Variants in PIP5K1B observed in about 807,000 individuals in gnomAD.
PIP5K1B encodes the protein phosphatidylinositol-4-phosphate 5-kinase type 1 beta.
PIP5K1B carries 42 observed loss-of-function variants against 67.0 expected under a neutral mutation model. The observed-to-expected ratio is 0.63, with a 90% CI of 0.49 to 0.81. The LOEUF (loss-of-function observed/expected upper bound fraction) is 0.81, where lower values mean the gene tolerates loss of function less well. Ranked by LOEUF, PIP5K1B falls within the 30% of genes least tolerant of loss-of-function variation. The probability of loss-of-function intolerance (pLI) is 0.00; values close to 1 mark genes in which losing one functional copy is unlikely to be tolerated. For missense variants in PIP5K1B, 459 were observed against 646.3 expected (o/e 0.71, Z 3.14); for synonymous variants, 214 against 231.4 (o/e 0.92, Z 0.68).
intron 1 of PIP5K1B, among the ~76,000 whole-genome samples, chr9:68,720,208 TA>T (rs774410508): frequency 1.6e-4 from 24 of 152,228 alleles, no homozygotes; most frequent in Non-Finnish European, 2.9e-4. Flanking sequence ...CCCCTTCCTT[TA>T]CAAAATTTCA....
At chr9:68,746,053 G>A (rs1829285485) in intron 2 of PIP5K1B, among the ~76,000 whole-genome samples, 1 of 145,932 alleles carries the variant, frequency 6.9e-6, no homozygotes, top group African/African-American at 2.5e-5. Flanking sequence ...TTCCCCACAT[G>A]TCTCTCTTCT....
chr9:68,816,571 CAT>C, intron 2 of PIP5K1B, among the ~76,000 whole-genome samples: 1 of 152,316 alleles, frequency 6.6e-6, no homozygotes, highest in Non-Finnish European at 1.5e-5. Context: ...AGCAATATGG[CAT>C]TAGCTTAGGA....
chr9:69,003,848 T>A (rs1324214437), intron 15 of PIP5K1B, among the ~76,000 whole-genome samples: 1 of 152,228 alleles, frequency 6.6e-6, no homozygotes, highest in Non-Finnish European at 1.5e-5. Flanking sequence ...GTTTCCTGCC[T>A]GGGCTCCCCT....
At chr9:68,757,106 C>T (rs1450403613) in intron 2 of PIP5K1B, among the ~76,000 whole-genome samples, 4 of 152,116 alleles carry the variant, frequency 2.6e-5, no homozygotes, top group Non-Finnish European at 5.9e-5. Flanking sequence ...TTCCAACATA[C>T]TTAGCAGTTT....
intron 2 of PIP5K1B, among the ~76,000 whole-genome samples, chr9:68,805,542 A>ATACC (rs1832826420): frequency 6.6e-6 from 1 of 152,130 alleles, no homozygotes. Flanking sequence ...TATTTTTCAG[A>ATACC]TGAGGAAACT....
In PIP5K1B at chr9:68,914,021, G is replaced by C. The variant is rs1271473260; in HGVS notation, c.772-3527G>C. On this transcript the variant is annotated intron_variant, in intron 8 of 15. Transcript: ENST00000265382. ...CATGGGCCGGGAAAAAAGACTGCAA[G>C]TACAAAACACATGGTTCAGGTTGAA... Among the ~76,000 whole-genome samples the C allele has an allele frequency of 4.6e-5, 7 of 152,060 alleles. No homozygotes were observed. The East Asian group carries it at 1.3e-3, about 29-fold the overall frequency.
At chr9:68,777,659 A>G (rs1169870383) in intron 2 of PIP5K1B, among the ~76,000 whole-genome samples, 2 of 152,204 alleles carry the variant, frequency 1.3e-5, no homozygotes, top group Non-Finnish European at 2.9e-5. Context: ...ACCAAATAGC[A>G]TATATGTTTT....
intron 6 of PIP5K1B, among the ~76,000 whole-genome samples, chr9:68,880,369 A>G (rs1004679201): frequency 2.6e-5 from 4 of 152,174 alleles, no homozygotes; most frequent in Non-Finnish European, 5.9e-5. Context: ...CCTGGCCAAC[A>G]TGGCAAAATC....
At chr9:68,784,126 G>C (rs1428858897) in intron 2 of PIP5K1B, 1 of 167,090 alleles carries the variant, frequency 6.0e-6, no homozygotes, top group African/African-American at 2.4e-5. Flanking sequence ...TTTTAAATCA[G>C]ATAAGGTTCT....
chr9:68,980,464 T>TA (rs1157031197), intron 14 of PIP5K1B, among the ~76,000 whole-genome samples: 1 of 152,194 alleles, frequency 6.6e-6, no homozygotes, highest in East Asian at 1.9e-4. Flanking sequence ...TCCAAGGTCT[T>TA]ACGATAAATC....
chr9:68,925,998 G>A (rs1481485619), intron 12 of PIP5K1B, among the ~76,000 whole-genome samples: 1 of 151,632 alleles, frequency 6.6e-6, no homozygotes, highest in Non-Finnish European at 1.5e-5. Flanking sequence ...GTTTCGTCGT[G>A]TTGGCCAGGC....
intron 8 of PIP5K1B, among the ~76,000 whole-genome samples, chr9:68,899,565 G>C (rs949488653): frequency 2.0e-5 from 3 of 152,200 alleles, no homozygotes; most frequent in Admixed American, 2.0e-4. Flanking sequence ...GAAGTATCCA[G>C]TTTCACTGCA....
At chr9:68,843,933 G>A (rs1382061835) in intron 4 of PIP5K1B, among the ~76,000 whole-genome samples, 2 of 152,238 alleles carry the variant, frequency 1.3e-5, no homozygotes, top group African/African-American at 2.4e-5. Flanking sequence ...GAAGCTGGAT[G>A]TGTGGCTCAG....
intron 2 of PIP5K1B, among the ~76,000 whole-genome samples, chr9:68,810,917 T>C (rs1258110986): frequency 6.6e-6 from 1 of 152,234 alleles, no homozygotes; most frequent in Non-Finnish European, 1.5e-5. Context: ...TCTCATTGTT[T>C]TTAAGTAGGA....
At chr9:68,862,717 G>A (rs927177277) in intron 4 of PIP5K1B, among the ~76,000 whole-genome samples, 2 of 152,012 alleles carry the variant, frequency 1.3e-5, no homozygotes, top group South Asian at 2.1e-4. Flanking sequence ...GCTTGAACCC[G>A]GGAGGCAGAG....
intron 8 of PIP5K1B, among the ~76,000 whole-genome samples, chr9:68,904,793 A>G (rs541476849): frequency 6.6e-6 from 1 of 151,674 alleles, no homozygotes; most frequent in Non-Finnish European, 1.5e-5. Flanking sequence ...AAACCAAAGT[A>G]TTATCAAAAT....
intron 1 of PIP5K1B, among the ~76,000 whole-genome samples, chr9:68,712,266 C>T (rs1827430288): frequency 6.6e-6 from 1 of 152,186 alleles, no homozygotes; most frequent in African/African-American, 2.4e-5. Flanking sequence ...TGACTGTAAG[C>T]TTCCTGGGGC....
At chr9:68,774,213 G>A (rs573929069) in intron 2 of PIP5K1B, among the ~76,000 whole-genome samples, 2 of 152,292 alleles carry the variant, frequency 1.3e-5, no homozygotes, top group Non-Finnish European at 2.9e-5. Flanking sequence ...TTCTATTCTT[G>A]GTGATCTGTA....
At chr9:68,760,528 T>G (rs1227331540) in intron 2 of PIP5K1B, among the ~76,000 whole-genome samples, 1 of 151,860 alleles carries the variant, frequency 6.6e-6, no homozygotes, top group Admixed American at 6.6e-5. Flanking sequence ...TTTCTCAGAG[T>G]GAGTTGTTGG....
Sources: gnomAD v4.1 joint callset for allele counts (sites outside exome capture counted in the v4.1 genomes callset) on GRCh38, gnomAD v4.1.1 for gene constraint, MANE v1.5 for transcripts, NCBI Gene and HGNC (gene_info 2026-07-23, HGNC 2026-07-21) for gene names.